Variants in RYR3 observed in about 807,000 individuals in gnomAD.
RYR3 encodes brain ryanodine receptor-calcium release channel.
A neutral mutation model predicts 584.3 loss-of-function variants in RYR3; 207 were observed. The observed-to-expected ratio is 0.35, with a 90% CI of 0.32 to 0.40. The LOEUF (loss-of-function observed/expected upper bound fraction) is 0.40. Among genes scored for constraint, RYR3 ranks in the 10% least tolerant of loss-of-function variants. The probability of loss-of-function intolerance (pLI) is 1.00; values close to 1 mark genes in which losing one functional copy is unlikely to be tolerated. For synonymous variants in RYR3, 2,416 were observed against 2,248.5 expected, an observed-to-expected ratio of 1.07 and a Z score of -2.11; for missense variants, 5,616 against 6,089.2, an observed-to-expected ratio of 0.92 and a Z score of 2.59.
At chr15:33,616,958 G>T (rs2060481164) in intron 19 of RYR3, among the ~76,000 whole-genome samples, 1 of 152,272 alleles carries the variant, frequency 6.6e-6, no homozygotes, top group Admixed American at 6.5e-5. Flanking sequence ...TAAACCGATT[G>T]GGTATTCTAC....
At chr15:33,781,861 G>A (rs957516490) in intron 65 of RYR3, among the ~76,000 whole-genome samples, 82 of 146,856 alleles carry the variant, frequency 5.6e-4, no homozygotes, top group African/African-American at 2.0e-3. Flanking sequence ...AAAAAAAAAG[G>A]GGGGGGGGAT....
chr15:33,444,957 A>G (rs1292433703), intron 1 of RYR3, among the ~76,000 whole-genome samples: 4 of 151,946 alleles, frequency 2.6e-5, no homozygotes, highest in Non-Finnish European at 5.9e-5. Flanking sequence ...GAGAATGCTG[A>G]TAGCTGAAGT....
chr15:33,462,082 T>C (rs984543001), intron 1 of RYR3, among the ~76,000 whole-genome samples: 1 of 152,238 alleles, frequency 6.6e-6, no homozygotes, highest in Non-Finnish European at 1.5e-5. Context: ...ATATGTTCCA[T>C]TAAATTTTGG....
intron 18 of RYR3, among the ~76,000 whole-genome samples, chr15:33,611,209 T>A (rs1259729674): frequency 6.6e-6 from 1 of 152,176 alleles, no homozygotes; most frequent in African/African-American, 2.4e-5. Flanking sequence ...ATGTTTGAGA[T>A]ATAATTAGTA....
At chr15:33,712,745 A>G (rs1220233843) in intron 43 of RYR3, among the ~76,000 whole-genome samples, 1 of 152,210 alleles carries the variant, frequency 6.6e-6, no homozygotes, top group Non-Finnish European at 1.5e-5. Flanking sequence ...ATGTTACAGA[A>G]GAGTTTGGAG....
intron 62 of RYR3, among the ~76,000 whole-genome samples, chr15:33,770,267 T>C (rs1209058620): frequency 6.6e-6 from 1 of 151,872 alleles, no homozygotes; most frequent in Non-Finnish European, 1.5e-5. Context: ...GAACTGAGAA[T>C]GGCTATAAAA....
intron 67 of RYR3, among the ~76,000 whole-genome samples, chr15:33,798,731 T>C (rs769268935): frequency 5.9e-5 from 9 of 152,220 alleles, no homozygotes; most frequent in African/African-American, 1.2e-4. Context: ...AGAATGAATA[T>C]TGAGTAGACA....
intron 3 of RYR3, among the ~76,000 whole-genome samples, chr15:33,516,556 G>T (rs970080754): frequency 1.3e-5 from 2 of 152,092 alleles, no homozygotes; most frequent in South Asian, 4.2e-4. Flanking sequence ...AGCTGGTCTT[G>T]AACTCCTGAC....
At chr15:33,602,132 G>A (rs1314451842) in intron 17 of RYR3, among the ~76,000 whole-genome samples, 1 of 152,136 alleles carries the variant, frequency 6.6e-6, no homozygotes, top group East Asian at 1.9e-4. Flanking sequence ...TTTCTACCTA[G>A]GCCTACACAC....
chr15:33,649,092 C>T lies in RYR3; in HGVS notation c.3999C>T (p.Arg1333=), dbSNP rs1183566908. 1 of 1,613,536 alleles carries T rather than the reference C, an allele frequency of 6.2e-7. No individual in the cohort carries two copies. The highest frequency in any genetic ancestry group is 1.7e-4 in the Middle Eastern group (1 of 5,760). The change falls in exon 31 of 104, where the codon CGC becomes CGT. Residue 1333 remains arginine (R), a synonymous_variant. Transcript: ENST00000634891. ...CACAGCAGTGCTACTACGCCATCCGCATCTTTGCTGGACAGGATCCATCCT... is the reference window on the plus strand; with the variant it reads ...CACAGCAGTGCTACTACGCCATCCGTATCTTTGCTGGACAGGATCCATCCT... ...HTTTQCYYAI[R]IFAGQDPSCV... is the part of the protein sequence containing the mutation.
chr15:33,701,041 T>G lies in RYR3; in HGVS notation c.6444T>G (p.Asn2148Lys). The G allele has an allele frequency of 6.2e-7, 1 of 1,613,306 alleles. No homozygotes were observed. Among genetic ancestry groups the G allele is most frequent in the Non-Finnish European group, 8.5e-7 (1 of 1,179,640 alleles). Residue 2148 changes from asparagine (N) to lysine (K), a missense_variant, in exon 42 of 104, where the codon AAT (asparagine) becomes AAG (lysine). By Grantham distance (94) the Asn-to-Lys change is moderately conservative. This residue lies in a region of RYR3 where 1,280 missense variants were observed against 1,426.2 expected (regional missense o/e 0.90). Transcript: ENST00000634891. Reference sequence around the variant, plus strand: ...CAGCTTCCTCTGTGATGGACAACAATGAGTTAGCGCTGAGCTTAGAGGAAC... The same window carrying G: ...CAGCTTCCTCTGTGATGGACAACAAGGAGTTAGCGCTGAGCTTAGAGGAAC... Reference protein sequence around the residue: ...DVAASSVMDNNELALSLEEPD... With the variant: ...DVAASSVMDNKELALSLEEPD...
intron 2 of RYR3, among the ~76,000 whole-genome samples, chr15:33,488,411 G>A (rs571909396): frequency 6.8e-5 from 10 of 147,012 alleles, no homozygotes; most frequent in African/African-American, 2.5e-4. Flanking sequence ...TTCTTCCTCC[G>A]CCGACTCCTG....
chr15:33,726,643 T>C, intron 46 of RYR3, 137 bp downstream of exon 46: 1 of 893,818 alleles, frequency 1.1e-6, no homozygotes. Context: ...CTCACTCTTT[T>C]TCCTGTGATG....
chr15:33,589,334 A>G (rs1367365638), intron 16 of RYR3, among the ~76,000 whole-genome samples: 1 of 152,086 alleles, frequency 6.6e-6, no homozygotes, highest in Non-Finnish European at 1.5e-5. Context: ...GAGTTGTTTG[A>G]GTTCCCTGTA....
intron 4 of RYR3, among the ~76,000 whole-genome samples, chr15:33,531,163 G>A (rs1475855995): frequency 6.6e-6 from 1 of 152,124 alleles, no homozygotes; most frequent in Non-Finnish European, 1.5e-5. Flanking sequence ...GAACTTGCAG[G>A]TGGGATGCTA....
intron 63 of RYR3, 108 bp from the exon 64 acceptor site, chr15:33,773,426 G>C: frequency 1.3e-6 from 1 of 763,384 alleles, no homozygotes; most frequent in South Asian, 1.5e-5. Flanking sequence ...GAGAAAGGGA[G>C]AGATCTTTTA....
At chr15:33,335,745 G>C (rs73378452) in intron 1 of RYR3, among the ~76,000 whole-genome samples, 13,753 of 151,330 alleles carry the variant, frequency 0.091, 684 homozygotes, top group Middle Eastern at 0.16. Context: ...AAGATCAGTG[G>C]ATCAGTTTTG....
intron 16 of RYR3, among the ~76,000 whole-genome samples, chr15:33,599,020 A>G (rs2152546693): frequency 6.6e-6 from 1 of 151,870 alleles, no homozygotes; most frequent in African/African-American, 2.4e-5. Flanking sequence ...GAGCCACCGA[A>G]CTCCAGCCTG....
At position 33,674,519 on chromosome 15, in the gene RYR3, A is replaced by T. The variant is rs544002435; in HGVS notation, c.5860+3963A>T. On this transcript the variant is annotated intron_variant, in intron 38 of 103. Coordinates refer to ENST00000634891, the MANE Select transcript of RYR3 (RefSeq NM_001036.6). ...GGTCTTAATGCAGGGAACATGTCGT[A>T]CTTGTTTCCACACTCAGCTCTATGG... 9.7e-4 allele frequency among the ~76,000 whole-genome samples: 148 copies of T among 152,306 alleles called. 1 individual carries two copies. Among genetic ancestry groups the T allele is most frequent in the Non-Finnish European group, 1.6e-3 (112 of 68,022 alleles).
Sources: allele counts gnomAD v4.1 joint callset (sites outside exome capture counted in the v4.1 genomes callset), GRCh38; gene constraint gnomAD v4.1.1; regional missense constraint gnomAD v4.1.1; transcripts MANE v1.5; gene names NCBI Gene and HGNC (gene_info 2026-07-23, HGNC 2026-07-21).